The following DLG2 variants were observed in gnomAD, a reference collection of about 807,000 sequenced individuals.
The protein encoded by DLG2 is discs large MAGUK scaffold protein 2.
DLG2 carries 45 observed loss-of-function variants against 132.5 expected under a neutral mutation model. The ratio of observed to expected loss-of-function variants is 0.34; its 90% CI spans 0.27 to 0.44. The LOEUF (loss-of-function observed/expected upper bound fraction) is 0.44, where lower values mean the gene tolerates loss of function less well. Ranked by LOEUF, DLG2 falls within the 20% of genes least tolerant of loss-of-function variation. The pLI is 1.00. For synonymous variants in DLG2, 424 were observed against 419.6 expected (o/e 1.01, Z -0.13); for missense variants, 1,045 against 1,196.9 (o/e 0.87, Z 1.87).
chr11:84,114,198 G>A (rs936965143), intron 9 of DLG2, among the ~76,000 whole-genome samples: 1 of 151,834 alleles, frequency 6.6e-6, no homozygotes, highest in African/African-American at 2.4e-5. Context: ...GGTAAATACT[G>A]TAGACAGAAT....
Position 83,472,588 on chromosome 11 carries a change from G to A in DLG2, c.2344+139C>T, listed in dbSNP as rs371119224. ...AAAGAGAGAGAAAGTGAGAGACAGC[G>A]TAAGAGTAAGGTACGGTCTCAAGAC... On this transcript the variant is annotated intron_variant, in intron 23 of 27. Coordinates refer to ENST00000376104, the MANE Select transcript of DLG2 (RefSeq NM_001142699.3). 6 of 682,638 alleles carry A rather than the reference G, an allele frequency of 8.8e-6. No individual in the cohort carries two copies. In the East Asian group the frequency reaches 1.1e-4, roughly 13 times the overall value. 42.3% of individuals were successfully genotyped at this position (682,638 alleles called of 1,614,324 possible).
intron 15 of DLG2, among the ~76,000 whole-genome samples, chr11:83,875,130 T>A (rs1186645891): frequency 6.6e-6 from 1 of 152,136 alleles, no homozygotes; most frequent in Non-Finnish European, 1.5e-5. Context: ...GTAAAATTAG[T>A]TAATAATAAT....
At chr11:85,301,022 G>A (rs1022782824) in intron 3 of DLG2, among the ~76,000 whole-genome samples, 1 of 152,050 alleles carries the variant, frequency 6.6e-6, no homozygotes, top group Non-Finnish European at 1.5e-5. Context: ...CCAACAAGAC[G>A]AAACCTCATC....
At chr11:84,016,491 T>C (rs898884900) in intron 11 of DLG2, among the ~76,000 whole-genome samples, 4 of 152,162 alleles carry the variant, frequency 2.6e-5, no homozygotes, top group African/African-American at 9.6e-5. Flanking sequence ...GGGTTTTACA[T>C]TTAAGTCCTG....
intron 6 of DLG2, among the ~76,000 whole-genome samples, chr11:84,990,220 G>C (rs944628924): frequency 5.3e-5 from 8 of 152,182 alleles, no homozygotes; most frequent in Non-Finnish European, 8.8e-5. Flanking sequence ...AGAATGTAAT[G>C]ATGAAATATC....
intron 19 of DLG2, among the ~76,000 whole-genome samples, chr11:83,620,729 G>C (rs1228437563): frequency 6.6e-6 from 1 of 151,056 alleles, no homozygotes; most frequent in Non-Finnish European, 1.5e-5. Context: ...AATTAGCCGG[G>C]CGTAGTGGCG....
Position 84,045,248 on chromosome 11 carries a change from T to G in DLG2, c.919+14067A>C, listed in dbSNP as rs190553078. Among the ~76,000 whole-genome samples the G allele has an allele frequency of 4.3e-3, 654 of 151,860 alleles. 6 individuals are homozygous for G. Among genetic ancestry groups the G allele is most frequent in the African/African-American group, 0.015 (622 of 41,508 alleles). ...ATATGTGCTGGGTAACATATGCACT[T>G]GCCAAATTCCATCTTATTTCTGATA... is the stretch of plus-strand genomic sequence containing the variant. On this transcript the variant is annotated intron_variant, in intron 11 of 27. Transcript: ENST00000376104.
chr11:83,618,910 C>T (rs2061241292), intron 19 of DLG2, among the ~76,000 whole-genome samples: 1 of 152,172 alleles, frequency 6.6e-6, no homozygotes, highest in Admixed American at 6.5e-5. Flanking sequence ...AATTTGTGTT[C>T]ACAATAATAG....
At chr11:84,741,157 T>C (rs1389861320) in intron 6 of DLG2, among the ~76,000 whole-genome samples, 1 of 142,490 alleles carries the variant, frequency 7.0e-6, no homozygotes, top group Non-Finnish European at 1.5e-5. Context: ...AGCTCCGCCT[T>C]CCGGGTTCAC....
intron 7 of DLG2, among the ~76,000 whole-genome samples, chr11:84,521,581 A>T (rs1011972057): frequency 6.6e-6 from 1 of 152,150 alleles, no homozygotes; most frequent in Non-Finnish European, 1.5e-5. Context: ...TTATTTAAGG[A>T]ATTTATTGCT....
intron 8 of DLG2, among the ~76,000 whole-genome samples, chr11:84,219,287 G>A (rs117900747): frequency 1.3e-5 from 2 of 152,298 alleles, no homozygotes; most frequent in Non-Finnish European, 2.9e-5. Flanking sequence ...AGAACTTGAA[G>A]TCAAGTTTCT....
At chr11:85,150,043 A>G (rs1454855065) in intron 5 of DLG2, among the ~76,000 whole-genome samples, 5 of 111,262 alleles carry the variant, frequency 4.5e-5, no homozygotes, top group African/African-American at 2.1e-4. Flanking sequence ...TTTTTGAGAC[A>G]GAGTCTCACT....
intron 6 of DLG2, chr11:84,923,152 A>T: frequency 6.2e-7 from 1 of 1,613,372 alleles, no homozygotes; most frequent in Non-Finnish European, 8.5e-7. Flanking sequence ...ACCGGTATTC[A>T]GCTTCTCAGC....
At chr11:85,454,210 A>G (rs1207659114) in intron 3 of DLG2, among the ~76,000 whole-genome samples, 5 of 151,102 alleles carry the variant, frequency 3.3e-5, no homozygotes, top group African/African-American at 1.2e-4. Flanking sequence ...ATCATCTGTT[A>G]CTTTTTGAGT....
At chr11:84,079,233 A>G (rs2096869393) in intron 10 of DLG2, among the ~76,000 whole-genome samples, 1 of 150,884 alleles carries the variant, frequency 6.6e-6, no homozygotes, top group South Asian at 2.1e-4. Flanking sequence ...TCAAGTTACA[A>G]TCTTTCATTA....
chr11:83,508,523 G>A (rs985256277), intron 21 of DLG2, among the ~76,000 whole-genome samples: 23 of 150,530 alleles, frequency 1.5e-4, no homozygotes, highest in African/African-American at 4.9e-4. Flanking sequence ...GATTACAGGC[G>A]TGAGCCACCA....
At chr11:83,553,063 T>C (rs144819634) in intron 19 of DLG2, among the ~76,000 whole-genome samples, 2,327 of 152,226 alleles carry the variant, frequency 0.015, 59 homozygotes, top group African/African-American at 0.053. Flanking sequence ...GGTGAAGTCT[T>C]ACTTATCTCT....
At chr11:84,790,202 A>G (rs913393353) in intron 6 of DLG2, among the ~76,000 whole-genome samples, 1 of 152,196 alleles carries the variant, frequency 6.6e-6, no homozygotes, top group Non-Finnish European at 1.5e-5. Context: ...CATTCCCACT[A>G]ACAATGTAGG....
intron 19 of DLG2, among the ~76,000 whole-genome samples, chr11:83,545,137 C>T (rs1411648364): frequency 6.6e-6 from 1 of 152,146 alleles, no homozygotes; most frequent in African/African-American, 2.4e-5. Context: ...GCCAAGGAGG[C>T]AGGCTCTGGA....
Sources: allele counts gnomAD v4.1 joint callset (sites outside exome capture counted in the v4.1 genomes callset), GRCh38; gene constraint gnomAD v4.1.1; transcripts MANE v1.5; gene names NCBI Gene and HGNC (gene_info 2026-07-23, HGNC 2026-07-21).